The following UTP20 variants were observed in gnomAD, a reference collection of about 807,000 sequenced individuals.
UTP20 encodes the protein small subunit processome component 20 homolog.
Under a neutral mutation model 329.5 loss-of-function variants are expected in UTP20, and 164 were observed. The ratio of observed to expected loss-of-function variants is 0.50; its 90% CI spans 0.44 to 0.57. UTP20 has a LOEUF of 0.57. Among genes scored for constraint, UTP20 ranks in the 20% least tolerant of loss-of-function variants. The pLI, the probability that UTP20 is intolerant of heterozygous loss-of-function variation, is 0.00. For missense variants in UTP20, 3,055 were observed against 3,284.2 expected (o/e 0.93, Z 1.71); for synonymous variants, 1,151 against 1,159.3 (o/e 0.99, Z 0.14).
chr12:101,365,098 GTGTGTGTGTGT>G (rs1565805591), intron 45 of UTP20, among the ~76,000 whole-genome samples: 1 of 150,536 alleles, frequency 6.6e-6, no homozygotes, highest in Non-Finnish European at 1.5e-5. Context: ...GTGTGTGTGT[GTGTGTGTGTGT>G]GTTTGCCTCT....
At chr12:101,313,248 G>A (rs931909308) in intron 21 of UTP20, among the ~76,000 whole-genome samples, 1 of 152,134 alleles carries the variant, frequency 6.6e-6, no homozygotes, top group Non-Finnish European at 1.5e-5. Flanking sequence ...GTTAGGTCAA[G>A]CAGGCCATAA....
At chr12:101,335,426 T>C (rs1868902752) in intron 29 of UTP20, among the ~76,000 whole-genome samples, 1 of 152,232 alleles carries the variant, frequency 6.6e-6, no homozygotes, top group East Asian at 1.9e-4. Flanking sequence ...ACACACCAGA[T>C]AGTTATATCA....
intron 21 of UTP20, among the ~76,000 whole-genome samples, chr12:101,317,069 G>C (rs2137256993): frequency 6.6e-6 from 1 of 152,280 alleles, no homozygotes; most frequent in East Asian, 1.9e-4. Flanking sequence ...ATATTTTCAA[G>C]AGAACTTTGG....
intron 21 of UTP20, among the ~76,000 whole-genome samples, chr12:101,315,959 A>C (rs966651308): frequency 1.3e-5 from 2 of 152,224 alleles, no homozygotes. Flanking sequence ...AGAAAGATTT[A>C]GAGACTAAAG....
At chr12:101,319,180 A>G (rs543136917) in intron 22 of UTP20, among the ~76,000 whole-genome samples, 3 of 152,224 alleles carry the variant, frequency 2.0e-5, no homozygotes, top group South Asian at 2.1e-4. Flanking sequence ...AATATATTCT[A>G]CTACTTTCCT....
At chr12:101,283,542 G>A (rs1454747031) in intron 2 of UTP20, among the ~76,000 whole-genome samples, 2 of 152,140 alleles carry the variant, frequency 1.3e-5, no homozygotes, top group African/African-American at 2.4e-5. Flanking sequence ...GAGTTACCTT[G>A]CAAAAGGACG....
intron 29 of UTP20, among the ~76,000 whole-genome samples, chr12:101,335,781 C>T (rs958384477): frequency 6.6e-6 from 1 of 152,026 alleles, no homozygotes; most frequent in African/African-American, 2.4e-5. Flanking sequence ...AACCAAAAAC[C>T]GTGACATTGT....
intron 38 of UTP20, among the ~76,000 whole-genome samples, chr12:101,346,859 C>T (rs1869342513): frequency 6.6e-6 from 1 of 152,172 alleles, no homozygotes; most frequent in African/African-American, 2.4e-5. Flanking sequence ...AAATTGCATA[C>T]TTTTATTTTT....
In UTP20 at chr12:101,383,049, G is replaced by C. The variant is rs755302660; in HGVS notation, c.7665G>C (p.Lys2555Asn). ...CCCGTTTTTTTTTAAAGGTTGTTAA[G>C]AATTTGTTGTTCGCAGCCAAAGTCT... Reference protein sequence around the residue: ...LDQSLGEQVVKNLLFAAKVLY... With the variant: ...LDQSLGEQVVNNLLFAAKVLY... Residue 2555 changes from lysine (K) to asparagine (N), a missense_variant, in exon 59 of 62, where the codon AAG becomes AAC. Around this residue, in one of 3 missense-constraint regions of UTP20, gnomAD observed 337 missense variants for 345.5 expected, o/e 0.98. Transcript: ENST00000261637. 1.9e-6 allele frequency: 3 copies of C among 1,590,334 alleles called. No individual in the cohort carries two copies. The highest frequency in any genetic ancestry group is 1.7e-6 in the Non-Finnish European group (2 of 1,172,328).
intron 18 of UTP20, among the ~76,000 whole-genome samples, chr12:101,308,747 TTTGGAGA>T (rs1872703607): frequency 1.3e-5 from 2 of 151,674 alleles, no homozygotes; most frequent in African/African-American, 4.8e-5. Flanking sequence ...TTTTTTTTTT[TTTGGAGA>T]TGGAGTCTCG....
chr12:101,308,149 G>T, intron 17 of UTP20, 36 bp from the exon 18 acceptor site: 2 of 1,469,114 alleles, frequency 1.4e-6, no homozygotes, highest in South Asian at 1.6e-5. Context: ...TCAAAATACT[G>T]ACTGGTCTTC....
At chr12:101,297,230 T>C (rs2137240116) in intron 12 of UTP20, among the ~76,000 whole-genome samples, 1 of 152,270 alleles carries the variant, frequency 6.6e-6, no homozygotes, top group South Asian at 2.1e-4. Flanking sequence ...ATTATTATTA[T>C]TTTAAGAGCA....
At chr12:101,356,903 T>C (rs1490088524) in intron 42 of UTP20, 23 bp from the exon 43 acceptor site, 1 of 1,596,576 alleles carries the variant, frequency 6.3e-7, no homozygotes, top group Non-Finnish European at 8.5e-7. Context: ...TGATTAGTCA[T>C]TTTTCAACTT....
chr12:101,340,589 C>T lies in UTP20; in HGVS notation c.4080C>T (p.Leu1360=). ...TCATTACGCTTCTCCTTCCATTCCT[C>T]CACCGTGGCAATATTGCTGAGGTAC... is the stretch of plus-strand genomic sequence containing the variant. ...SVLITLLLPF[L]HRGNIAEDTE... Residue 1360 remains leucine, a synonymous_variant, in exon 32 of 62, where the codon CTC becomes CTT. Transcript: ENST00000261637. 1 of 1,611,410 alleles carries T rather than the reference C, an allele frequency of 6.2e-7. No homozygotes were observed. The highest frequency in any genetic ancestry group is 8.5e-7 in the Non-Finnish European group (1 of 1,178,462).
Position 101,338,989 on chromosome 12 carries a change from A to G in UTP20, c.4013+32A>G, listed in dbSNP as rs557533301. Reference sequence around the variant, plus strand: ...GATATGTTGATACTTAAAAGATAACATTACCATCCTTGGTTTTAACTTTTT... The same window carrying G: ...GATATGTTGATACTTAAAAGATAACGTTACCATCCTTGGTTTTAACTTTTT... On this transcript the variant is annotated intron_variant, in intron 31 of 61. Transcript: ENST00000261637. 7 of 1,549,386 alleles carry G rather than the reference A, an allele frequency of 4.5e-6. No individual in the cohort carries two copies. The South Asian group carries it at 7.4e-5, about 16-fold the overall frequency.
intron 38 of UTP20, among the ~76,000 whole-genome samples, chr12:101,350,362 G>T (rs547544772): frequency 2.0e-5 from 3 of 152,126 alleles, no homozygotes; most frequent in African/African-American, 7.2e-5. Context: ...TAGAGATGGG[G>T]TTCTCGCTTT....
chr12:101,308,182 C>T lies in UTP20; in HGVS notation c.1996-3C>T. The T allele has an allele frequency of 6.3e-7, 1 of 1,598,548 alleles. No individual in the cohort carries two copies. The stretch of plus-strand genomic sequence containing the variant: ...TTCTCCATGGTTTTCTCTGGTTATT[C>T]AGGATGATGGGCTCTCAGAGCGGCA... On this transcript the variant is annotated splice_region_variant and splice_polypyrimidine_tract_variant and intron_variant, in intron 17 of 61. Transcript: ENST00000261637.
intron 1 of UTP20, among the ~76,000 whole-genome samples, chr12:101,280,840 C>T (rs1871773487): frequency 6.6e-6 from 1 of 152,198 alleles, no homozygotes; most frequent in Non-Finnish European, 1.5e-5. Flanking sequence ...CCTAATAGAT[C>T]TAGCGAGACT....
intron 2 of UTP20, among the ~76,000 whole-genome samples, chr12:101,284,703 A>C (rs556970847): frequency 2.5e-4 from 38 of 152,124 alleles, no homozygotes; most frequent in Non-Finnish European, 5.0e-4. Context: ...AAAGTAATTG[A>C]TACCATGTTA....
Sources: gnomAD v4.1 joint callset for allele counts (sites outside exome capture counted in the v4.1 genomes callset) on GRCh38, gnomAD v4.1.1 for gene constraint, gnomAD v4.1.1 regional missense constraint, MANE v1.5 for transcripts, NCBI Gene and HGNC (gene_info 2026-07-23, HGNC 2026-07-21) for gene names.